Variants in SPECC1 observed in about 807,000 individuals in gnomAD.
SPECC1 encodes the protein sperm antigen with calponin homology and coiled-coil domains 1.
In SPECC1, 62 loss-of-function variants were observed where a neutral mutation model predicts 104.1. That is an observed-to-expected ratio of 0.60 (90% CI 0.49 to 0.74). The LOEUF is 0.74. Ranked by LOEUF, SPECC1 falls within the 30% of genes least tolerant of loss-of-function variation. The pLI, the probability that SPECC1 is intolerant of heterozygous loss-of-function variation, is 0.00. For synonymous variants in SPECC1, 513 were observed against 501.6 expected (o/e 1.02, Z -0.30); for missense variants, 1,306 against 1,310.5 (o/e 1.00, Z 0.05).
chr17:20,071,003 G>T (rs1012391639), intron 1 of SPECC1, among the ~76,000 whole-genome samples: 2 of 151,898 alleles, frequency 1.3e-5, no homozygotes, highest in Non-Finnish European at 2.9e-5. Context: ...ACGTTGCCCA[G>T]GTTGACGTGT....
chr17:20,029,616 C>G (rs1246127007), intron 1 of SPECC1, among the ~76,000 whole-genome samples: 1 of 152,154 alleles, frequency 6.6e-6, no homozygotes, highest in Non-Finnish European at 1.5e-5. Flanking sequence ...ATAGCTCATT[C>G]AAATTGTCTC....
chr17:20,302,902 AAG>A (rs1302744323), intron 13 of SPECC1, among the ~76,000 whole-genome samples: 20 of 148,222 alleles, frequency 1.3e-4, no homozygotes, highest in African/African-American at 3.5e-4. Context: ...AAAAAAAAAA[AAG>A]AGGAAAGAAA....
intron 1 of SPECC1, among the ~76,000 whole-genome samples, chr17:20,014,708 T>C (rs1024525806): frequency 6.6e-6 from 1 of 152,092 alleles, no homozygotes; most frequent in Admixed American, 6.5e-5. Flanking sequence ...AGCTTTACAA[T>C]TTTTTTTCTT....
Position 20,297,906 on chromosome 17 carries a change from G to C in SPECC1, c.3057+829G>C, listed in dbSNP as rs148560236. Among the ~76,000 whole-genome samples, 57 of 152,332 alleles carry C rather than the reference G, an allele frequency of 3.7e-4. No homozygotes were observed. The East Asian group carries it at 0.01, about 28-fold the overall frequency. The stretch of plus-strand genomic sequence containing the variant: ...AGACGTTCTATGCCCTCATGAGCTA[G>C]ACAGATAATAAGCAAGCGAGTAGAC... On this transcript the variant is annotated intron_variant, in intron 13 of 14. Transcript: ENST00000395527.
chr17:20,158,098 C>G (rs1351576591), intron 3 of SPECC1, among the ~76,000 whole-genome samples: 2 of 152,144 alleles, frequency 1.3e-5, no homozygotes, highest in African/African-American at 2.4e-5. Flanking sequence ...GTTAAAGATG[C>G]GTGGGTTTTC....
At chr17:20,079,412 A>C (rs2046881724) in intron 1 of SPECC1, among the ~76,000 whole-genome samples, 1 of 152,048 alleles carries the variant, frequency 6.6e-6, no homozygotes, top group African/African-American at 2.4e-5. Context: ...AGATCTTCCC[A>C]CTTCAGCCTC....
intron 3 of SPECC1, among the ~76,000 whole-genome samples, chr17:20,180,472 G>A (rs2034799955): frequency 6.6e-6 from 1 of 152,168 alleles, no homozygotes; most frequent in Admixed American, 6.6e-5. Flanking sequence ...CAAACACCAG[G>A]AACAAAAGAA....
At chr17:20,089,143 G>A (rs1342051926) in intron 1 of SPECC1, among the ~76,000 whole-genome samples, 1 of 152,216 alleles carries the variant, frequency 6.6e-6, no homozygotes, top group Non-Finnish European at 1.5e-5. Flanking sequence ...CACACAGCCT[G>A]AAGTGGCATT....
intron 1 of SPECC1, among the ~76,000 whole-genome samples, chr17:20,083,002 G>GTTCA (rs1555603395): frequency 0.033 from 4,810 of 145,842 alleles, 128 homozygotes; most frequent in African/African-American, 0.073. Flanking sequence ...TCGTTCGTTC[G>GTTCA]TTCATTCATC....
At chr17:20,051,132 CTTTCT>C (rs2045755411) in intron 1 of SPECC1, among the ~76,000 whole-genome samples, 1 of 114,910 alleles carries the variant, frequency 8.7e-6, no homozygotes, top group South Asian at 2.9e-4. Flanking sequence ...TTCTTTCTTT[CTTTCT>C]TTCCTTCTTT....
chr17:20,232,481 C>T, intron 7 of SPECC1, 76 bp downstream of exon 7: 1 of 1,466,416 alleles, frequency 6.8e-7, no homozygotes, highest in Non-Finnish European at 9.1e-7. Flanking sequence ...GGATGGGACT[C>T]TTCATGTCTG....
rs572783047 is a variant in SPECC1, at chr17:20,056,334, G to A, written c.-21-40297G>A. 3.8e-3 allele frequency: 716 copies of A among 188,606 alleles called. 7 individuals carry two copies. The highest frequency in any genetic ancestry group is 0.016 in the African/African-American group (673 of 42,598). 11.7% of individuals were successfully genotyped at this position (188,606 alleles called of 1,614,324 possible). A position where few individuals can be genotyped will look rare whatever the true frequency, so the allele number is the denominator to read the frequency against. ...GCCACCTGGTGCGGCTTGGGAACCC[G>A]CAGAAGCCTGCACTGAAGCCCAGCA... is the stretch of plus-strand genomic sequence containing the variant. On this transcript the variant is annotated intron_variant, in intron 1 of 14. Coordinates refer to ENST00000395527, the MANE Select transcript of SPECC1 (RefSeq NM_001243439.2).
chr17:20,051,799 TGGGGG>T (rs1056467571), intron 1 of SPECC1, among the ~76,000 whole-genome samples: 8 of 152,126 alleles, frequency 5.3e-5, no homozygotes, highest in African/African-American at 1.7e-4. Flanking sequence ...TGACTCACTT[TGGGGG>T]CAGCATCCAG....
chr17:20,293,931 G>A (rs555337019), intron 12 of SPECC1, among the ~76,000 whole-genome samples: 4 of 152,264 alleles, frequency 2.6e-5, no homozygotes, highest in East Asian at 3.9e-4. Context: ...CTAGGGGACC[G>A]GTACAGGAGT....
intron 12 of SPECC1, among the ~76,000 whole-genome samples, chr17:20,276,792 A>G (rs2040589761): frequency 6.6e-6 from 1 of 152,244 alleles, no homozygotes; most frequent in Non-Finnish European, 1.5e-5. Flanking sequence ...TAAAAAATGC[A>G]GAGCTACAGA....
intron 3 of SPECC1, among the ~76,000 whole-genome samples, chr17:20,171,125 C>T (rs1167736632): frequency 1.3e-5 from 2 of 152,128 alleles, no homozygotes; most frequent in East Asian, 3.8e-4. Context: ...TCCCCTCAGT[C>T]GTATGTTATA....
At chr17:20,231,700 G>A (rs1386005121) in intron 5 of SPECC1, 58 bp from the exon 6 acceptor site, 6 of 1,527,340 alleles carry the variant, frequency 3.9e-6, no homozygotes, top group South Asian at 3.4e-5. Context: ...TACCTAGCGT[G>A]TCTTCTCTTA....
intron 1 of SPECC1, among the ~76,000 whole-genome samples, chr17:20,025,291 G>A (rs924906569): frequency 3.3e-5 from 5 of 152,226 alleles, no homozygotes; most frequent in Non-Finnish European, 5.9e-5. Flanking sequence ...CTAGTCTCCA[G>A]AACTGTGAGG....
chr17:20,305,979 T>C, intron 13 of SPECC1, 44 bp from the exon 14 acceptor site: 2 of 1,551,550 alleles, frequency 1.3e-6, no homozygotes, highest in Non-Finnish European at 1.8e-6. Context: ...AAAAGCTATA[T>C]ATTTTAAATT....
Sources: allele counts gnomAD v4.1 joint callset (sites outside exome capture counted in the v4.1 genomes callset), GRCh38; gene constraint gnomAD v4.1.1; transcripts MANE v1.5; gene names NCBI Gene and HGNC (gene_info 2026-07-23, HGNC 2026-07-21).